NCAM1: variants seen among roughly 807,000 people sequenced by gnomAD.
NCAM1 encodes neural cell adhesion molecule 1, also known as antigen recognized by monoclonal antibody 5.1H11.
In NCAM1, 14 loss-of-function variants were observed where a neutral mutation model predicts 109.8. The observed-to-expected ratio is 0.13, with a 90% CI of 0.08 to 0.20. NCAM1 has a LOEUF of 0.20. NCAM1 is among the 10% of genes least tolerant of loss of function. The pLI, the probability that NCAM1 is intolerant of heterozygous loss-of-function variation, is 1.00. For missense variants in NCAM1, 774 were observed against 1,109.9 expected, an observed-to-expected ratio of 0.70 and a Z score of 4.30; for synonymous variants, 418 against 442.9, an observed-to-expected ratio of 0.94 and a Z score of 0.70.
intron 17 of NCAM1, chr11:113,269,969 C>A: frequency 1.7e-6 from 1 of 587,766 alleles, no homozygotes; most frequent in East Asian, 2.8e-5. Flanking sequence ...GTTCCCCAAT[C>A]TGTGAGATGA....
In NCAM1 at chr11:113,064,521, T is replaced by TG. The variant is rs1238320262; in HGVS notation, c.52+102857_52+102858insG. ...TATTTTTCCTTAAACTATATTTTTTTTATTATTTATTAAATGTTTATTGCA... is the reference window on the plus strand; with the variant it reads ...TATTTTTCCTTAAACTATATTTTTTTGTATTATTTATTAAATGTTTATTGCA... On this transcript the variant is annotated intron_variant, in intron 1 of 19. Transcript: ENST00000316851. 2.0e-5 allele frequency among the ~76,000 whole-genome samples: 3 copies of TG among 152,190 alleles called. No individual in the cohort carries two copies. In the East Asian group the frequency reaches 5.8e-4, roughly 29 times the overall value.
chr11:113,007,398 C>T (rs1017753503), intron 1 of NCAM1, among the ~76,000 whole-genome samples: 1 of 152,128 alleles, frequency 6.6e-6, no homozygotes, highest in Non-Finnish European at 1.5e-5. Flanking sequence ...AGTCTAAAAG[C>T]ATCATGTGAT....
rs1159938341 is a variant in NCAM1, at chr11:113,099,923, G to A, written c.53-102456G>A. On this transcript the variant is annotated intron_variant, in intron 1 of 19. Transcript: ENST00000316851. ...AGGCTGTTCTCAAACTCCTGACCTC[G>A]TGATCTGCCCGCCTCGGCCTCCCAG... 2.0e-5 allele frequency among the ~76,000 whole-genome samples: 3 copies of A among 152,082 alleles called. No individual in the cohort carries two copies. The South Asian group carries it at 6.2e-4, about 32-fold the overall frequency.
At position 113,273,204 on chromosome 11, in the gene NCAM1, G is replaced by A. The variant is rs1366563582; in HGVS notation, c.2456+1328G>A. 5 of 326,016 alleles carry A rather than the reference G, an allele frequency of 1.5e-5. No homozygotes were observed. Among genetic ancestry groups the A allele is most frequent in the South Asian group, 4.1e-5 (2 of 49,358 alleles). The allele number at this position is 326,016 out of a possible 1,614,324, so 20.2% of individuals were successfully genotyped here. A position where few individuals can be genotyped will look rare whatever the true frequency, so the allele number is the denominator to read the frequency against. On this transcript the variant is annotated intron_variant, in intron 19 of 19. Coordinates refer to ENST00000316851, the MANE Select transcript of NCAM1 (RefSeq NM_181351.5). This position sits in a 1 kb window ranked among gnomAD's most constrained non-coding sequence, Gnocchi z 6.0. ...TTCAGCCCCCAAGGTCGCCCCCCTC[G>A]TTGACCTGAGCGACACCCCGACCTC...
intron 1 of NCAM1, among the ~76,000 whole-genome samples, chr11:113,091,136 G>A (rs569375867): frequency 4.9e-4 from 75 of 152,194 alleles, no homozygotes; most frequent in East Asian, 1.5e-3. Context: ...TCTCTCCCCC[G>A]CCACACACAC....
chr11:113,071,363 C>G (rs2135566027), intron 1 of NCAM1, among the ~76,000 whole-genome samples: 1 of 150,728 alleles, frequency 6.6e-6, no homozygotes, highest in South Asian at 2.1e-4. Context: ...TTCCTTGAAG[C>G]TTTTCACTTG....
chr11:113,068,259 G>C (rs1471947569), intron 1 of NCAM1, among the ~76,000 whole-genome samples: 1 of 152,134 alleles, frequency 6.6e-6, no homozygotes, highest in Admixed American at 6.5e-5. Context: ...TTGTTGATAA[G>C]TACAACAAGA....
chr11:113,173,819 G>T (rs1321211721), intron 1 of NCAM1, among the ~76,000 whole-genome samples: 1 of 151,852 alleles, frequency 6.6e-6, no homozygotes, highest in East Asian at 1.9e-4. Flanking sequence ...CCAGCAGCAG[G>T]AGTCAGCACG....
intron 14 of NCAM1, chr11:113,246,012 A>C (rs563387005): frequency 3.6e-6 from 1 of 277,358 alleles, no homozygotes; most frequent in South Asian, 1.5e-4. Flanking sequence ...AAACAAGTTT[A>C]CATGCTCCTG....
At chr11:113,261,760 T>TA (rs1376254110) in intron 17 of NCAM1, among the ~76,000 whole-genome samples, 4 of 152,124 alleles carry the variant, frequency 2.6e-5, no homozygotes, top group Admixed American at 2.6e-4. Context: ...GAGGCTTGAG[T>TA]AAGCCCTTTG....
intron 1 of NCAM1, among the ~76,000 whole-genome samples, chr11:112,974,636 T>C (rs1413826721): frequency 6.6e-6 from 1 of 152,066 alleles, no homozygotes; most frequent in Non-Finnish European, 1.5e-5. Flanking sequence ...AGTCTAGACT[T>C]CATTTAATTC....
At chr11:113,258,824 A>C (rs1945899505) in intron 16 of NCAM1, among the ~76,000 whole-genome samples, 1 of 152,218 alleles carries the variant, frequency 6.6e-6, no homozygotes, top group Non-Finnish European at 1.5e-5. Flanking sequence ...AGAAAAACAA[A>C]AAAAAGGAAA....
chr11:113,019,004 T>A (rs1952298185), intron 1 of NCAM1, among the ~76,000 whole-genome samples: 1 of 152,150 alleles, frequency 6.6e-6, no homozygotes, highest in East Asian at 1.9e-4. Context: ...AGATGGTTTA[T>A]CCCCTATCTT....
At chr11:113,000,518 A>G (rs2134971250) in intron 1 of NCAM1, among the ~76,000 whole-genome samples, 1 of 152,290 alleles carries the variant, frequency 6.6e-6, no homozygotes, top group South Asian at 2.1e-4. Flanking sequence ...GACAGGAAGT[A>G]CGGATAACGA....
At chr11:113,144,274 G>A (rs1253407482) in intron 1 of NCAM1, among the ~76,000 whole-genome samples, 2 of 152,140 alleles carry the variant, frequency 1.3e-5, no homozygotes, top group African/African-American at 4.8e-5. Context: ...GATTATAACT[G>A]GTCTTTGTCA....
chr11:113,015,128 C>T (rs1952175116), intron 1 of NCAM1, among the ~76,000 whole-genome samples: 1 of 152,250 alleles, frequency 6.6e-6, no homozygotes, highest in South Asian at 2.1e-4. Context: ...CTTATCCTTA[C>T]AGCTTCTCTT....
intron 1 of NCAM1, among the ~76,000 whole-genome samples, chr11:113,191,710 GAT>G (rs1555109894): frequency 1.3e-5 from 2 of 151,720 alleles, no homozygotes; most frequent in African/African-American, 4.8e-5. Flanking sequence ...GAGATAGATA[GAT>G]ACACATGTAC....
rs115020540 is a variant in NCAM1, at chr11:113,277,156, C to T, written c.*1769C>T. 226 of 395,936 alleles carry T rather than the reference C, an allele frequency of 5.7e-4. No individual in the cohort carries two copies. The highest frequency in any genetic ancestry group is 4.1e-3 in the African/African-American group (201 of 48,670). 24.5% of individuals were successfully genotyped at this position (395,936 alleles called of 1,614,324 possible). ...CAGAAATCAGTACTCCGCATGCGCT[C>T]CTCTCCTAAGGTACAAAGCAGCAAG... On this transcript the variant is annotated 3_prime_UTR_variant, in exon 20 of 20. Transcript: ENST00000316851.
At chr11:112,989,152 T>C (rs1187600226) in intron 1 of NCAM1, among the ~76,000 whole-genome samples, 6 of 152,194 alleles carry the variant, frequency 3.9e-5, no homozygotes, top group Admixed American at 1.3e-4. Context: ...GTACCTCTTA[T>C]GAGATTTGTG....
Sources: allele counts gnomAD v4.1 joint callset (sites outside exome capture counted in the v4.1 genomes callset), GRCh38; gene constraint gnomAD v4.1.1; non-coding constraint Gnocchi (gnomAD v3.1); transcripts MANE v1.5; gene names NCBI Gene and HGNC (gene_info 2026-07-23, HGNC 2026-07-21).